Variants in WDR6 observed in about 807,000 individuals in gnomAD.
WDR6 encodes the protein tRNA (34-2'-O)-methyltransferase regulator WDR6.
Under a neutral mutation model 85.6 loss-of-function variants are expected in WDR6, and 58 were observed. That is an observed-to-expected ratio of 0.68 (90% CI 0.55 to 0.84). The LOEUF is 0.84. WDR6 is among the 40% of genes least tolerant of loss of function. The pLI, the probability that WDR6 is intolerant of heterozygous loss-of-function variation, is 0.00. For synonymous variants in WDR6, 569 were observed against 582.2 expected (o/e 0.98, Z 0.33); for missense variants, 1,310 against 1,476.4 (o/e 0.89, Z 1.85).
Position 49,007,976 on chromosome 3 carries a change from CA to C in WDR6, c.100+446del, listed in dbSNP as rs1427289740. On this transcript the variant is annotated intron_variant, in intron 1 of 5. Coordinates refer to ENST00000608424, the MANE Select transcript of WDR6 (RefSeq NM_018031.6). This position sits in a 1 kb window ranked among gnomAD's most constrained non-coding sequence, Gnocchi z 5.1. ...GGAGGCGGAGGCGGCCCCGGCCCCT[CA>C]GGGGGTGTGGCCTCTTGGGGAAGGC... is the stretch of plus-strand genomic sequence containing the variant. 2 of 159,044 alleles carry C rather than the reference CA, an allele frequency of 1.3e-5. No homozygotes were observed. The highest frequency in any genetic ancestry group is 2.7e-5 in the Non-Finnish European group (2 of 72,760). The allele number at this position is 159,044 out of a possible 1,614,324, so 9.9% of individuals were successfully genotyped here. A position where few individuals can be genotyped will look rare whatever the true frequency, so the allele number is the denominator to read the frequency against.
At position 49,012,264 on chromosome 3, in the gene WDR6, C is replaced by T. The variant is rs2093020578; in HGVS notation, c.730C>T (p.Pro244Ser). 6.2e-7 allele frequency: 1 copy of T among 1,614,134 alleles called. No homozygotes were observed. The highest frequency in any genetic ancestry group is 1.7e-5 in the Admixed American group (1 of 60,008). ...CTGGAAGGTGGGCGACCTGCGAGTG[C>T]CTGGGGGTCGGGTGCAGAATATTGG... is the stretch of plus-strand genomic sequence containing the variant. ...RIWKVGDLRV[P>S]GGRVQNIGHC... The change falls in exon 2 of 6, where the codon CCT (proline) becomes TCT (serine). Residue 244 changes from proline (P) to serine (S), a missense_variant. Pro to Ser is a moderately conservative substitution (Grantham distance 74, BLOSUM62 -1). Transcript: ENST00000608424. The surrounding 1 kb of genome is among the most constrained non-coding windows in gnomAD (Gnocchi z 4.4).
rs374709213 is a variant in WDR6 at position 49,014,322 on chromosome 3, A to G, written c.2666+29A>G. 1.1e-4 allele frequency: 177 copies of G among 1,614,038 alleles called. 1 individual carries two copies. The African/African-American group carries it at 2.2e-3, about 20-fold the overall frequency. On this transcript the variant is annotated intron_variant, in intron 3 of 5. Coordinates refer to ENST00000608424, the MANE Select transcript of WDR6 (RefSeq NM_018031.6). The surrounding 1 kb of genome is among the most constrained non-coding windows in gnomAD (Gnocchi z 4.9). ...AGAGCATAGGGCCCAGTGGGACAGG[A>G]GACAAAGGAAGTAAGGTTGTCTAGG...
Position 49,012,945 on chromosome 3 carries a change from C to T in WDR6, c.1411C>T (p.Pro471Ser). Residue 471 changes from proline to serine, a missense_variant, in exon 2 of 6, where the codon CCC becomes TCC. Pro to Ser is a moderately conservative substitution (Grantham distance 74, BLOSUM62 -1). Coordinates refer to ENST00000608424, the MANE Select transcript of WDR6 (RefSeq NM_018031.6). The surrounding 1 kb of genome is among the most constrained non-coding windows in gnomAD (Gnocchi z 4.4). ...VVACLEISAA[P>S]SGKAIFVKER... ...AGCTTGCCTAGAGATCTCAGCCGCACCCTCTGGCAAGGCCATCTTTGTCAA... is the reference window on the plus strand; with the variant it reads ...AGCTTGCCTAGAGATCTCAGCCGCATCCTCTGGCAAGGCCATCTTTGTCAA... The T allele has an allele frequency of 6.2e-7, 1 of 1,613,942 alleles. No individual in the cohort carries two copies. Among genetic ancestry groups the T allele is most frequent in the Non-Finnish European group, 8.5e-7 (1 of 1,179,976 alleles).
Position 49,014,808 on chromosome 3 carries a change from T to G in WDR6, c.2903-17T>G. The G allele has an allele frequency of 6.2e-7, 1 of 1,600,908 alleles. No homozygotes were observed. Among genetic ancestry groups the G allele is most frequent in the Non-Finnish European group, 8.5e-7 (1 of 1,171,518 alleles). On this transcript the variant is annotated splice_polypyrimidine_tract_variant and intron_variant, in intron 5 of 5. Coordinates refer to ENST00000608424, the MANE Select transcript of WDR6 (RefSeq NM_018031.6). The surrounding 1 kb of genome is among the most constrained non-coding windows in gnomAD (Gnocchi z 4.9). ...GCAGGCGGGGCCCTGACAACTACCC[T>G]CTTCCTCTTCCTTCAGGGCTTGGCA...
chr3:49,013,604 G>T lies in WDR6; in HGVS notation c.2070G>T (p.Arg690=). The T allele has an allele frequency of 3.7e-6, 6 of 1,614,092 alleles. No individual in the cohort carries two copies. The highest frequency in any genetic ancestry group is 5.1e-6 in the Non-Finnish European group (6 of 1,180,008). The change falls in exon 2 of 6, where the codon CGG becomes CGT. Residue 690 remains arginine, a synonymous_variant. Coordinates refer to ENST00000608424, the MANE Select transcript of WDR6 (RefSeq NM_018031.6). The surrounding 1 kb of genome is among the most constrained non-coding windows in gnomAD (Gnocchi z 4.6). Reference sequence around the variant, plus strand: ...ACAGGGCTCTGGGTGGCTGCACCCGGCCACACGTGATTCTCCGGGAGGGTC... The same window carrying T: ...ACAGGGCTCTGGGTGGCTGCACCCGTCCACACGTGATTCTCCGGGAGGGTC... The part of the protein sequence containing the change: ...MLYRALGGCT[R]PHVILREGLH...
chr3:49,011,548 C>G (rs181799706), intron 1 of WDR6, 87 bp from the exon 2 acceptor site: 6 of 1,611,982 alleles, frequency 3.7e-6, no homozygotes, highest in Middle Eastern at 1.6e-4. Flanking sequence ...GGCTACATGC[C>G]GAGAAGTTTC....
chr3:49,014,237 T>C lies in WDR6; in HGVS notation c.2610T>C (p.Leu870=). Residue 870 remains leucine, a synonymous_variant, in exon 3 of 6, where the codon CTT becomes CTC. Transcript: ENST00000608424. This position sits in a 1 kb window ranked among gnomAD's most constrained non-coding sequence, Gnocchi z 4.9. ...TRYMSLAVCE[L]DQPGLGPLVA... is the part of the protein sequence containing the mutation. Reference sequence around the variant, plus strand: ...ACATGTCCCTTGCTGTGTGTGAACTTGACCAGCCCGGCCTTGGCCCCCTTG... The same window carrying C: ...ACATGTCCCTTGCTGTGTGTGAACTCGACCAGCCCGGCCTTGGCCCCCTTG... 1 of 1,614,138 alleles carries C rather than the reference T, an allele frequency of 6.2e-7. No homozygotes were observed. Among genetic ancestry groups the C allele is most frequent in the Non-Finnish European group, 8.5e-7 (1 of 1,180,006 alleles).
In WDR6 at chr3:49,015,369, T is replaced by C; in HGVS notation, c.*81T>C. On this transcript the variant is annotated 3_prime_UTR_variant, in exon 6 of 6. Coordinates refer to ENST00000608424, the MANE Select transcript of WDR6 (RefSeq NM_018031.6). ...AGCAGGGATGGGCTGTCTGTGCCCA[T>C]GCTCAGCATGCCTTGAGGGGAGGAG... 1 of 1,516,230 alleles carries C rather than the reference T, an allele frequency of 6.6e-7. No homozygotes were observed. Among genetic ancestry groups the C allele is most frequent in the Non-Finnish European group, 8.9e-7 (1 of 1,118,714 alleles). The allele number at this position is 1,516,230 out of a possible 1,614,324, so 93.9% of individuals were successfully genotyped here. A position where few individuals can be genotyped will look rare whatever the true frequency, so the allele number is the denominator to read the frequency against.
rs753214576 is a variant in WDR6, at chr3:49,014,513, G to T, written c.2783+14G>T. 4.6e-5 allele frequency: 75 copies of T among 1,613,922 alleles called. 1 individual carries two copies. In the South Asian group the frequency reaches 8.2e-4, roughly 18 times the overall value. On this transcript the variant is annotated intron_variant, in intron 4 of 5. Coordinates refer to ENST00000608424, the MANE Select transcript of WDR6 (RefSeq NM_018031.6). The surrounding 1 kb of genome is among the most constrained non-coding windows in gnomAD (Gnocchi z 4.9). The stretch of plus-strand genomic sequence containing the variant: ...CAACCAGAGGCGGTGAGAGGGGCTG[G>T]ATGATGGTCCTGCATGGGCTGGGTT...
chr3:49,013,774 G>T lies in WDR6; in HGVS notation c.2240G>T (p.Ser747Ile). 2 of 1,614,154 alleles carry T rather than the reference G, an allele frequency of 1.2e-6. No individual in the cohort carries two copies. The highest frequency in any genetic ancestry group is 2.7e-5 in the African/African-American group (2 of 75,030). Residue 747 changes from serine to isoleucine, a missense_variant, in exon 2 of 6, where the codon AGT becomes ATT. Physicochemically the swap from Ser to Ile is moderately radical, Grantham distance 142. Transcript: ENST00000608424. This position sits in a 1 kb window ranked among gnomAD's most constrained non-coding sequence, Gnocchi z 4.6. ...TTGACTGACATTGTGATCACATGTA[G>T]TGAGGACACTACTGTCTGTGTCCTA... ...PDLTDIVITC[S>I]EDTTVCVLAL...
chr3:49,010,355 A>C (rs1205801648), intron 1 of WDR6, among the ~76,000 whole-genome samples: 1 of 151,112 alleles, frequency 6.6e-6, no homozygotes, highest in African/African-American at 2.4e-5. Flanking sequence ...GTAGTGAGCC[A>C]AGATCGCGCC....
Position 49,015,745 on chromosome 3 carries a change from T to G in WDR6, c.*457T>G. On this transcript the variant is annotated 3_prime_UTR_variant, in exon 6 of 6. Coordinates refer to ENST00000608424, the MANE Select transcript of WDR6 (RefSeq NM_018031.6). ...GGGCCTGCTGGTCTCATCCTCTGCTTCCTTTGCCTTTACCCTATACCTCTC... is the reference window on the plus strand; with the variant it reads ...GGGCCTGCTGGTCTCATCCTCTGCTGCCTTTGCCTTTACCCTATACCTCTC... 1 of 1,614,078 alleles carries G rather than the reference T, an allele frequency of 6.2e-7. No individual in the cohort carries two copies. The highest frequency in any genetic ancestry group is 1.1e-5 in the South Asian group (1 of 91,080).
intron 1 of WDR6, among the ~76,000 whole-genome samples, chr3:49,009,826 CAA>C (rs2093005074): frequency 6.6e-6 from 1 of 151,562 alleles, no homozygotes; most frequent in Admixed American, 6.6e-5. Context: ...CTCTTGGGCT[CAA>C]GAGATCCTCT....
rs1465843236 is a variant in WDR6, at chr3:49,015,421, G to A, written c.*133G>A. On this transcript the variant is annotated 3_prime_UTR_variant, in exon 6 of 6. Coordinates refer to ENST00000608424, the MANE Select transcript of WDR6 (RefSeq NM_018031.6). ...TGGTGGCCGTGGGTTCCTGATGTCG[G>A]TGCAGGAGCTGAAGGTGAGTGGAGT... 3 of 1,404,624 alleles carry A rather than the reference G, an allele frequency of 2.1e-6. No homozygotes were observed. The highest frequency in any genetic ancestry group is 2.9e-6 in the Non-Finnish European group (3 of 1,024,814). 87.0% of individuals were successfully genotyped at this position (1,404,624 alleles called of 1,614,324 possible).
chr3:49,007,641 A>C lies in WDR6; in HGVS notation c.100+110A>C. 1 of 1,380,482 alleles carries C rather than the reference A, an allele frequency of 7.2e-7. No individual in the cohort carries two copies. The highest frequency in any genetic ancestry group is 9.4e-7 in the Non-Finnish European group (1 of 1,059,896). 85.5% of individuals were successfully genotyped at this position (1,380,482 alleles called of 1,614,324 possible). Reference sequence around the variant, plus strand: ...TGCCCTGAGGAGAAGGACGGGCAGCAGGTTGAGGCCGATCGGAGGTGGGAA... The same window carrying C: ...TGCCCTGAGGAGAAGGACGGGCAGCCGGTTGAGGCCGATCGGAGGTGGGAA... On this transcript the variant is annotated intron_variant, in intron 1 of 5. Coordinates refer to ENST00000608424, the MANE Select transcript of WDR6 (RefSeq NM_018031.6). This position sits in a 1 kb window ranked among gnomAD's most constrained non-coding sequence, Gnocchi z 5.1.
In WDR6 at chr3:49,013,774, G is replaced by C. The variant is rs781137346; in HGVS notation, c.2240G>C (p.Ser747Thr). ...TTGACTGACATTGTGATCACATGTA[G>C]TGAGGACACTACTGTCTGTGTCCTA... ...PDLTDIVITC[S>T]EDTTVCVLAL... is the part of the protein sequence containing the mutation. The change falls in exon 2 of 6, where the codon AGT (serine) becomes ACT (threonine). Residue 747 changes from serine to threonine, a missense_variant. Transcript: ENST00000608424. This position sits in a 1 kb window ranked among gnomAD's most constrained non-coding sequence, Gnocchi z 4.6. 1 of 1,614,154 alleles carries C rather than the reference G, an allele frequency of 6.2e-7. No homozygotes were observed. The highest frequency in any genetic ancestry group is 1.1e-5 in the South Asian group (1 of 91,086).
rs1559897637 is a variant in WDR6 at position 49,013,490 on chromosome 3, CTG to C, written c.1959_1960del (p.Cys653TrpfsTer11). 6.2e-7 allele frequency: 1 copy of C among 1,614,114 alleles called. No individual in the cohort carries two copies. Among genetic ancestry groups the C allele is most frequent in the African/African-American group, 1.3e-5 (1 of 75,008 alleles). Reference protein sequence around the residue: ...RSHEKLHIVNCGGGHRSWAFS... With the variant: ...RSHEKLHIVNXGGGHRSWAFS... The stretch of plus-strand genomic sequence containing the variant: ...CACACGAGAAGCTGCACATCGTCAA[CTG>C]TGGTGGAGGGCACCGTTCGTGGGCA... On this transcript the variant is annotated frameshift_variant, in exon 2 of 6. Coordinates refer to ENST00000608424, the MANE Select transcript of WDR6 (RefSeq NM_018031.6). LOFTEE classifies it high-confidence loss of function. The surrounding 1 kb of genome is among the most constrained non-coding windows in gnomAD (Gnocchi z 4.6).
Position 49,007,597 on chromosome 3 carries a change from G to A in WDR6, c.100+66G>A. 6.6e-7 allele frequency: 1 copy of A among 1,513,062 alleles called. No homozygotes were observed. Among genetic ancestry groups the A allele is most frequent in the East Asian group, 2.3e-5 (1 of 42,606 alleles). 93.7% of individuals were successfully genotyped at this position (1,513,062 alleles called of 1,614,324 possible). On this transcript the variant is annotated intron_variant, in intron 1 of 5. Coordinates refer to ENST00000608424, the MANE Select transcript of WDR6 (RefSeq NM_018031.6). The surrounding 1 kb of genome is among the most constrained non-coding windows in gnomAD (Gnocchi z 5.1). ...AGAAACAGCGCCTCCCAGGGGCGGT[G>A]CCACAGGGACAAAAGGGGTGCCCTG...
At position 49,014,547 on chromosome 3, in the gene WDR6, C is replaced by A. The variant is rs753951790; in HGVS notation, c.2783+48C>A. 2.5e-6 allele frequency: 4 copies of A among 1,613,412 alleles called. No homozygotes were observed. The highest frequency in any genetic ancestry group is 3.4e-6 in the Non-Finnish European group (4 of 1,179,802). On this transcript the variant is annotated intron_variant, in intron 4 of 5. Transcript: ENST00000608424. This position sits in a 1 kb window ranked among gnomAD's most constrained non-coding sequence, Gnocchi z 4.9. Reference sequence around the variant, plus strand: ...CCTGCATGGGCTGGGTTGGGGGGTTCCTGTTGAGCTTCATCTCTGTTATTG... The same window carrying A: ...CCTGCATGGGCTGGGTTGGGGGGTTACTGTTGAGCTTCATCTCTGTTATTG...
Sources: allele counts gnomAD v4.1 joint callset (sites outside exome capture counted in the v4.1 genomes callset), GRCh38; gene constraint gnomAD v4.1.1; non-coding constraint Gnocchi (gnomAD v3.1); transcripts MANE v1.5; gene names NCBI Gene and HGNC (gene_info 2026-07-23, HGNC 2026-07-21).